The following SELP variants were observed in gnomAD, a reference collection of about 807,000 sequenced individuals.
The protein encoded by SELP is P-selectin.
SELP carries 92 observed loss-of-function variants against 104.1 expected under a neutral mutation model. The observed-to-expected ratio is 0.88, with a 90% confidence interval of 0.75 to 1.05. The LOEUF (loss-of-function observed/expected upper bound fraction) is 1.05, where lower values mean the gene tolerates loss of function less well. SELP is among the 50% of genes least tolerant of loss of function. The probability of loss-of-function intolerance (pLI) is 0.00; values close to 1 mark genes in which losing one functional copy is unlikely to be tolerated. For synonymous variants in SELP, 397 were observed against 364.5 expected (o/e 1.09, Z -1.01); for missense variants, 1,022 against 1,017.3 (o/e 1.00, Z -0.06).
At chr1:169,603,305 CTCTGTGTGTGTGTGTGTG>C (rs1662011786) in intron 9 of SELP, 94 bp from the exon 10 acceptor site, 4 of 646,782 alleles carry the variant, frequency 6.2e-6, no homozygotes, top group Non-Finnish European at 9.5e-6. Flanking sequence ...CCCTCTCTCT[CTCTGTGTGTGTGTGTGTG>C]TGTGTGTGTG....
chr1:169,595,958 C>T lies in SELP; in HGVS notation c.2068G>A (p.Gly690Arg). The T allele has an allele frequency of 1.9e-6, 3 of 1,613,816 alleles. No individual in the cohort carries two copies. Among genetic ancestry groups the T allele is most frequent in the Middle Eastern group, 1.7e-4 (1 of 6,048 alleles). ...GCTGGAGTTACTGCTGTCCATTGTC[C>T]TGAAGGTCTGCAGCTGAGAGTGCTG... is the stretch of plus-strand genomic sequence containing the variant. ...GDSTLSCRPS[G>R]QWTAVTPACR... The change falls in exon 12 of 17, where the codon GGA (glycine) becomes AGA (arginine). Residue 690 changes from glycine (G) to arginine (R), a missense_variant. Physicochemically the swap from Gly to Arg is moderately radical, Grantham distance 125. Coordinates refer to ENST00000263686, the MANE Select transcript of SELP (RefSeq NM_003005.4).
intron 1 of SELP, among the ~76,000 whole-genome samples, chr1:169,627,894 CT>C (rs1284719155): frequency 4.0e-5 from 6 of 151,620 alleles, no homozygotes; most frequent in Non-Finnish European, 4.4e-5. Context: ...CCCACTAAAA[CT>C]TTTTTTTTGT....
chr1:169,620,058 A>G (rs1663015822), intron 1 of SELP, among the ~76,000 whole-genome samples: 1 of 152,016 alleles, frequency 6.6e-6, no homozygotes, highest in South Asian at 2.1e-4. Flanking sequence ...TTAAAAAAAA[A>G]TTAGACAGGT....
intron 1 of SELP, among the ~76,000 whole-genome samples, chr1:169,626,580 G>T (rs1399465574): frequency 6.6e-6 from 1 of 152,190 alleles, no homozygotes; most frequent in Non-Finnish European, 1.5e-5. Flanking sequence ...GATCCTAGAG[G>T]TTAACTGAAA....
At chr1:169,619,253 C>T in intron 1 of SELP, 34 bp from the exon 2 acceptor site, 2 of 1,468,124 alleles carry the variant, frequency 1.4e-6, no homozygotes, top group South Asian at 1.1e-5. Context: ...CTTTTAGTAT[C>T]CATACACCAC....
intron 1 of SELP, among the ~76,000 whole-genome samples, chr1:169,627,590 G>C (rs1663433687): frequency 1.3e-5 from 2 of 152,140 alleles, no homozygotes; most frequent in Non-Finnish European, 2.9e-5. Flanking sequence ...ACAATATAAT[G>C]AATGTCATTT....
At chr1:169,594,240 A>T (rs1661483376) in intron 13 of SELP, among the ~76,000 whole-genome samples, 1 of 152,210 alleles carries the variant, frequency 6.6e-6, no homozygotes, top group African/African-American at 2.4e-5. Flanking sequence ...GGCAGTCAGG[A>T]CAAGCTATGA....
At position 169,589,277 on chromosome 1, in the gene SELP, C is replaced by T. The variant is rs190890867; in HGVS notation, c.*186G>A. The stretch of plus-strand genomic sequence containing the variant: ...CTACTGCAGAAACATTTGCTCCTGG[C>T]TTCTGTGGCTTGTGTTACAGGAAGA... On this transcript the variant is annotated 3_prime_UTR_variant, in exon 17 of 17. Coordinates refer to ENST00000263686, the MANE Select transcript of SELP (RefSeq NM_003005.4). 5 of 152,292 alleles carry T rather than the reference C, an allele frequency of 3.3e-5. No homozygotes were observed. Among genetic ancestry groups the T allele is most frequent in the African/African-American group, 1.2e-4 (5 of 41,532 alleles). The allele number at this position is 152,292 out of a possible 1,614,324, so 9.4% of individuals were successfully genotyped here.
At chr1:169,622,368 A>C (rs1023173064) in intron 1 of SELP, among the ~76,000 whole-genome samples, 1 of 152,240 alleles carries the variant, frequency 6.6e-6, no homozygotes, top group African/African-American at 2.4e-5. Flanking sequence ...GACTTCAAGG[A>C]ATTGAGACAT....
At chr1:169,595,081 C>A (rs1661536036) in intron 12 of SELP, among the ~76,000 whole-genome samples, 1 of 152,142 alleles carries the variant, frequency 6.6e-6, no homozygotes. Flanking sequence ...ATCCAAAGAA[C>A]CAAGATGCAA....
chr1:169,591,552 T>A, intron 14 of SELP, 96 bp from the exon 15 acceptor site: 1 of 802,046 alleles, frequency 1.2e-6, no homozygotes, highest in Non-Finnish European at 2.0e-6. Flanking sequence ...GGAAAACCAG[T>A]AGACTGATTT....
At position 169,617,087 on chromosome 1, in the gene SELP, GC is replaced by G; in HGVS notation, c.421del (p.Ala141ProfsTer11). The G allele has an allele frequency of 2.5e-6, 4 of 1,613,856 alleles. No homozygotes were observed. Among genetic ancestry groups the G allele is most frequent in the Non-Finnish European group, 3.4e-6 (4 of 1,179,966 alleles). On this transcript the variant is annotated frameshift_variant, in exon 3 of 17. Transcript: ENST00000263686. LOFTEE classifies it high-confidence loss of function. ...CVEIYIKSPSAPGKWNDEHCL... is the reference protein window; with the variant it reads ...CVEIYIKSPSXPGKWNDEHCL... ...GTGCTCATCATTCCACTTGCCAGGG[GC>G]TGACGGACTCTTGATGTATATCTCC...
rs200987867 is a variant in SELP at position 169,630,089 on chromosome 1, T to C, written c.-15A>G. On this transcript the variant is annotated 5_prime_UTR_variant, in exon 1 of 17. Transcript: ENST00000263686. ...AAACTCACCATCTCCTCTGTGACTC[T>C]GCTGGTTTTCTGCCTTCTGCCCAAC... The C allele has an allele frequency of 9.3e-5, 150 of 1,614,188 alleles. No homozygotes were observed. In the African/African-American group the frequency reaches 1.6e-3, roughly 17 times the overall value.
chr1:169,627,470 A>G (rs1473829466), intron 1 of SELP, among the ~76,000 whole-genome samples: 1 of 152,230 alleles, frequency 6.6e-6, no homozygotes, highest in Non-Finnish European at 1.5e-5. Flanking sequence ...TAAAAAGTCT[A>G]TTGGATCAGA....
Position 169,616,369 on chromosome 1 carries a change from AG to A in SELP, c.481+658del, listed in dbSNP as rs1662810901. 2.0e-5 allele frequency among the ~76,000 whole-genome samples: 3 copies of A among 152,350 alleles called. No individual in the cohort carries two copies. The South Asian group carries it at 6.2e-4, about 32-fold the overall frequency. On this transcript the variant is annotated intron_variant, in intron 3 of 16. Transcript: ENST00000263686. ...AAACACCAACTTTGGAATCAACATG[AG>A]TGTGAAACTGGCTCCACCATCAACT...
intron 1 of SELP, among the ~76,000 whole-genome samples, chr1:169,622,838 G>T (rs1423281452): frequency 6.6e-6 from 1 of 152,202 alleles, no homozygotes; most frequent in Non-Finnish European, 1.5e-5. Context: ...TATTCAAGGA[G>T]AGAAAAATGA....
At chr1:169,630,046 T>C (rs747302349) in intron 1 of SELP, 26 bp downstream of exon 1, 4 of 1,614,038 alleles carry the variant, frequency 2.5e-6, no homozygotes, top group Non-Finnish European at 3.4e-6. Flanking sequence ...TTCAACCACT[T>C]CCCATGCAGA....
At position 169,589,406 on chromosome 1, in the gene SELP, T is replaced by A. The variant is rs1001794324; in HGVS notation, c.*57A>T. ...GTCCAGAGCGGGTCCAACAGGCTGGTCCAGAGCTAATCTAAGGTAATTCCA... is the reference window on the plus strand; with the variant it reads ...GTCCAGAGCGGGTCCAACAGGCTGGACCAGAGCTAATCTAAGGTAATTCCA... On this transcript the variant is annotated 3_prime_UTR_variant, in exon 17 of 17. Coordinates refer to ENST00000263686, the MANE Select transcript of SELP (RefSeq NM_003005.4). 2.6e-5 allele frequency: 4 copies of A among 152,180 alleles called. No homozygotes were observed. The highest frequency in any genetic ancestry group is 5.9e-5 in the Non-Finnish European group (4 of 68,084). 9.4% of individuals were successfully genotyped at this position (152,180 alleles called of 1,614,324 possible).
At chr1:169,615,190 T>G (rs1475812738) in intron 3 of SELP, among the ~76,000 whole-genome samples, 3 of 152,218 alleles carry the variant, frequency 2.0e-5, no homozygotes, top group Non-Finnish European at 2.9e-5. Flanking sequence ...TGGAGAATTA[T>G]TCCAACAATC....
Sources: gnomAD v4.1 joint callset for allele counts (sites outside exome capture counted in the v4.1 genomes callset) on GRCh38, gnomAD v4.1.1 for gene constraint, MANE v1.5 for transcripts, NCBI Gene and HGNC (gene_info 2026-07-23, HGNC 2026-07-21) for gene names.